PDSS2: variants seen among roughly 807,000 people sequenced by gnomAD.
PDSS2 encodes all trans-polyprenyl-diphosphate synthase PDSS2.
PDSS2 carries 31 observed loss-of-function variants against 44.5 expected under a neutral mutation model. The observed-to-expected ratio is 0.70, with a 90% CI of 0.52 to 0.94. The LOEUF is 0.94. Among genes scored for constraint, PDSS2 ranks in the 40% least tolerant of loss-of-function variants. The pLI, the probability that PDSS2 is intolerant of heterozygous loss-of-function variation, is 0.00. For missense variants in PDSS2, 452 were observed against 482.2 expected (o/e 0.94, Z 0.59); for synonymous variants, 157 against 180.3 (o/e 0.87, Z 1.03).
intron 7 of PDSS2, among the ~76,000 whole-genome samples, chr6:107,191,100 C>T (rs112563231): frequency 0.051 from 7,720 of 152,162 alleles, 597 homozygotes; most frequent in African/African-American, 0.17. Flanking sequence ...ACCGTGTTAG[C>T]CAGGATGGTC....
At chr6:107,248,346 G>C (rs556820573) in intron 3 of PDSS2, among the ~76,000 whole-genome samples, 1 of 152,006 alleles carries the variant, frequency 6.6e-6, no homozygotes, top group Middle Eastern at 3.4e-3. Flanking sequence ...GAGAGCTGAA[G>C]TCCTGTTGCT....
chr6:107,426,550 C>T (rs1008832950), intron 1 of PDSS2, among the ~76,000 whole-genome samples: 6 of 152,280 alleles, frequency 3.9e-5, no homozygotes, highest in East Asian at 3.9e-4. Flanking sequence ...GACCCCAGAA[C>T]GGTAGATCCA....
intron 6 of PDSS2, among the ~76,000 whole-genome samples, chr6:107,197,412 G>A (rs1772601631): frequency 6.8e-6 from 1 of 147,422 alleles, no homozygotes; most frequent in South Asian, 2.1e-4. Flanking sequence ...TGAGGCTGCA[G>A]TGAGCTATGA....
intron 3 of PDSS2, among the ~76,000 whole-genome samples, chr6:107,271,896 TA>T (rs200316483): frequency 1.1e-4 from 16 of 150,018 alleles, no homozygotes; most frequent in Non-Finnish European, 2.2e-4. Flanking sequence ...AGCCCGTCTC[TA>T]AAAAAAAATA....
At chr6:107,388,126 C>T (rs1251716472) in intron 1 of PDSS2, among the ~76,000 whole-genome samples, 2 of 152,048 alleles carry the variant, frequency 1.3e-5, no homozygotes, top group African/African-American at 2.4e-5. Flanking sequence ...TTCCTCACCC[C>T]GACAGCCACA....
chr6:107,226,845 G>C (rs1773842410), intron 4 of PDSS2, among the ~76,000 whole-genome samples: 1 of 149,758 alleles, frequency 6.7e-6, no homozygotes, highest in African/African-American at 2.5e-5. Flanking sequence ...AATTTTTTCT[G>C]TATTTTTAGT....
chr6:107,437,525 CAAAAA>C (rs60133518), intron 1 of PDSS2, among the ~76,000 whole-genome samples: 4 of 126,720 alleles, frequency 3.2e-5, no homozygotes, highest in African/African-American at 1.3e-4. Flanking sequence ...ACCCTGTCTC[CAAAAA>C]AAAAAAAAAA....
intron 1 of PDSS2, among the ~76,000 whole-genome samples, chr6:107,411,131 C>A (rs538484236): frequency 2.0e-5 from 3 of 152,272 alleles, no homozygotes; most frequent in East Asian, 3.9e-4. Context: ...AATGATCCGC[C>A]CACCTCGGCC....
At chr6:107,218,930 T>C (rs2114668974) in intron 4 of PDSS2, among the ~76,000 whole-genome samples, 1 of 151,968 alleles carries the variant, frequency 6.6e-6, no homozygotes, top group South Asian at 2.1e-4. Flanking sequence ...TGGTGGTGGG[T>C]GCCTGTAATC....
chr6:107,195,448 C>G (rs1772522135), intron 6 of PDSS2, among the ~76,000 whole-genome samples: 1 of 143,138 alleles, frequency 7.0e-6, no homozygotes, highest in Non-Finnish European at 1.5e-5. Context: ...CACCACTACA[C>G]TCCAACCTGG....
chr6:107,284,125 T>C (rs1031963913), intron 2 of PDSS2, among the ~76,000 whole-genome samples: 1 of 151,980 alleles, frequency 6.6e-6, no homozygotes, highest in Admixed American at 6.6e-5. Flanking sequence ...AAAAAGACAA[T>C]GGAGCCTTCT....
At position 107,248,529 on chromosome 6, in the gene PDSS2, A is replaced by G. The variant is rs1774706628; in HGVS notation, c.631-2910T>C. 4.0e-5 allele frequency among the ~76,000 whole-genome samples: 6 copies of G among 151,870 alleles called. No individual in the cohort carries two copies. In the South Asian group the frequency reaches 6.2e-4, roughly 16 times the overall value. On this transcript the variant is annotated intron_variant, in intron 3 of 7. Coordinates refer to ENST00000369037, the MANE Select transcript of PDSS2 (RefSeq NM_020381.4). Reference sequence around the variant, plus strand: ...TTAGGGAACTGTTAAAAAAAAAAAAAAAAAAAAAGCAGAATACTAGCAGCC... The same window carrying G: ...TTAGGGAACTGTTAAAAAAAAAAAAGAAAAAAAAGCAGAATACTAGCAGCC...
chr6:107,238,221 C>G (rs1264285269), intron 4 of PDSS2, among the ~76,000 whole-genome samples: 1 of 152,202 alleles, frequency 6.6e-6, no homozygotes, highest in Non-Finnish European at 1.5e-5. Flanking sequence ...GTCAGAGACA[C>G]TGCCTTTGCA....
intron 7 of PDSS2, among the ~76,000 whole-genome samples, chr6:107,186,746 G>C (rs1241364003): frequency 6.6e-6 from 1 of 152,118 alleles, no homozygotes; most frequent in South Asian, 2.1e-4. Context: ...TGCTGAGAAT[G>C]ATGGCTTCTA....
chr6:107,165,313 C>T (rs1158884990), intron 7 of PDSS2, among the ~76,000 whole-genome samples: 19 of 152,218 alleles, frequency 1.2e-4, no homozygotes, highest in African/African-American at 4.3e-4. Context: ...ACATTTAAAT[C>T]TTTAATCCAT....
At chr6:107,161,040 T>C (rs1432873694) in intron 7 of PDSS2, among the ~76,000 whole-genome samples, 4 of 151,606 alleles carry the variant, frequency 2.6e-5, no homozygotes, top group African/African-American at 9.7e-5. Flanking sequence ...GCATGGCCAA[T>C]TTTTGTATTT....
At chr6:107,364,644 A>C (rs989331390) in intron 1 of PDSS2, among the ~76,000 whole-genome samples, 4 of 152,160 alleles carry the variant, frequency 2.6e-5, no homozygotes, top group Non-Finnish European at 5.9e-5. Context: ...CCTCCCTGCA[A>C]GCTGAGGGAG....
intron 7 of PDSS2, among the ~76,000 whole-genome samples, chr6:107,155,632 T>G (rs1327236575): frequency 1.3e-5 from 2 of 149,546 alleles, no homozygotes; most frequent in African/African-American, 4.9e-5. Context: ...CAGGCTGGAG[T>G]GCAGTGGCAC....
At chr6:107,429,252 G>A (rs1400083380) in intron 1 of PDSS2, among the ~76,000 whole-genome samples, 1 of 152,166 alleles carries the variant, frequency 6.6e-6, no homozygotes, top group African/African-American at 2.4e-5. Context: ...GGAAAGTGGG[G>A]AGTGGCAAGA....
Sources: allele counts gnomAD v4.1 joint callset (sites outside exome capture counted in the v4.1 genomes callset), GRCh38; gene constraint gnomAD v4.1.1; transcripts MANE v1.5; gene names NCBI Gene and HGNC (gene_info 2026-07-23, HGNC 2026-07-21).